The following GALNT13 variants were observed in gnomAD, a reference collection of about 807,000 sequenced individuals.
GALNT13 encodes polypeptide N-acetylgalactosaminyltransferase 13.
GALNT13 carries 28 observed loss-of-function variants against 64.2 expected under a neutral mutation model. The observed-to-expected ratio is 0.44, with a 90% CI of 0.32 to 0.60. The LOEUF (loss-of-function observed/expected upper bound fraction) is 0.60. Among genes scored for constraint, GALNT13 ranks in the 20% least tolerant of loss-of-function variants. The probability of loss-of-function intolerance (pLI) is 0.05; values close to 1 mark genes in which losing one functional copy is unlikely to be tolerated. For missense variants in GALNT13, 577 were observed against 669.8 expected, an observed-to-expected ratio of 0.86 and a Z score of 1.53; for synonymous variants, 214 against 224.6, an observed-to-expected ratio of 0.95 and a Z score of 0.42.
chr2:153,998,068 A>T (rs1361496587), intron 3 of GALNT13, among the ~76,000 whole-genome samples: 1 of 152,016 alleles, frequency 6.6e-6, no homozygotes. Flanking sequence ...GTTGGTTCTA[A>T]GTCTTTGCTA....
chr2:153,865,341 A>G, the GALNT13 span, among the ~76,000 whole-genome samples: 1 of 102,522 alleles, frequency 9.8e-6, no homozygotes, highest in African/African-American at 3.9e-5. Flanking sequence ...GCTTCTGCAC[A>G]GCAAAAGAAA....
chr2:153,287,854 C>T, the GALNT13 span, among the ~76,000 whole-genome samples: 1 of 152,176 alleles, frequency 6.6e-6, no homozygotes, highest in Non-Finnish European at 1.5e-5. Flanking sequence ...TGTGAAAACA[C>T]AACTGTCTGT....
At chr2:153,737,240 A>G in the GALNT13 span, among the ~76,000 whole-genome samples, 1 of 152,132 alleles carries the variant, frequency 6.6e-6, no homozygotes, top group African/African-American at 2.4e-5. Context: ...GAAAGTCAGA[A>G]CCTAAGAGGT....
At chr2:153,624,271 T>C in the GALNT13 span, among the ~76,000 whole-genome samples, 2 of 152,108 alleles carry the variant, frequency 1.3e-5, no homozygotes, top group Admixed American at 6.6e-5. Flanking sequence ...AGGAGCCTAT[T>C]TCTGTGTGAC....
chr2:153,781,167 T>A, the GALNT13 span, among the ~76,000 whole-genome samples: 14 of 152,170 alleles, frequency 9.2e-5, no homozygotes, highest in African/African-American at 3.4e-4. Flanking sequence ...TCCATTGAAT[T>A]GAAGTTTTGT....
the GALNT13 span, among the ~76,000 whole-genome samples, chr2:153,547,902 A>G: frequency 6.6e-6 from 1 of 152,224 alleles, no homozygotes; most frequent in African/African-American, 2.4e-5. Context: ...TTTGATATCC[A>G]TAAGTGGGGC....
the GALNT13 span, among the ~76,000 whole-genome samples, chr2:153,208,859 G>A: frequency 6.6e-6 from 1 of 151,044 alleles, no homozygotes; most frequent in African/African-American, 2.4e-5. Context: ...GGTTTGTAGT[G>A]GTATCTATTT....
chr2:154,042,947 A>T (rs1574398238), intron 3 of GALNT13, among the ~76,000 whole-genome samples: 1 of 152,068 alleles, frequency 6.6e-6, no homozygotes, highest in East Asian at 1.9e-4. Context: ...CTATGGAGAA[A>T]TAGTGAAGGG....
the GALNT13 span, among the ~76,000 whole-genome samples, chr2:153,597,915 A>G: frequency 6.6e-6 from 1 of 152,148 alleles, no homozygotes; most frequent in African/African-American, 2.4e-5. Context: ...GGTGGCTATA[A>G]TAAAAAAAGA....
the GALNT13 span, among the ~76,000 whole-genome samples, chr2:153,540,101 C>T: frequency 2.1e-4 from 32 of 152,194 alleles, no homozygotes; most frequent in African/African-American, 7.0e-4. Context: ...CCATCAGAGG[C>T]CTGAAGGCCT....
At chr2:153,528,821 C>T in the GALNT13 span, among the ~76,000 whole-genome samples, 2 of 151,828 alleles carry the variant, frequency 1.3e-5, no homozygotes, top group Admixed American at 1.3e-4. Flanking sequence ...TTCTGAATGA[C>T]CTGTGGGTTA....
the GALNT13 span, among the ~76,000 whole-genome samples, chr2:153,240,007 A>T: frequency 2.0e-5 from 3 of 152,062 alleles, no homozygotes; most frequent in Admixed American, 2.0e-4. Flanking sequence ...CTTGTTACTG[A>T]TCTGTTCAGA....
At chr2:153,873,080 C>G (rs1162287569) in intron 1 of GALNT13, among the ~76,000 whole-genome samples, 1 of 152,214 alleles carries the variant, frequency 6.6e-6, no homozygotes, top group Non-Finnish European at 1.5e-5. Flanking sequence ...ATCTCTGTCT[C>G]CCTCTGTCAT....
the GALNT13 span, among the ~76,000 whole-genome samples, chr2:153,690,505 T>C: frequency 1.3e-5 from 2 of 152,098 alleles, no homozygotes; most frequent in Admixed American, 6.6e-5. Flanking sequence ...GGTACGACCT[T>C]AAAAATTATG....
intron 3 of GALNT13, among the ~76,000 whole-genome samples, chr2:154,029,901 CA>C: frequency 6.6e-6 from 1 of 152,170 alleles, no homozygotes; most frequent in East Asian, 1.9e-4. Context: ...AAAAACATAG[CA>C]ACAAAAGTGA....
the GALNT13 span, among the ~76,000 whole-genome samples, chr2:153,355,426 A>G: frequency 8.5e-5 from 13 of 152,314 alleles, no homozygotes; most frequent in African/African-American, 3.1e-4. Flanking sequence ...GAACATTGTA[A>G]TCAGTATTTA....
At chr2:154,076,600 T>C (rs1701002386) in intron 3 of GALNT13, among the ~76,000 whole-genome samples, 1 of 151,720 alleles carries the variant, frequency 6.6e-6, no homozygotes, top group Non-Finnish European at 1.5e-5. Context: ...TAGCACCTCA[T>C]AGTATTTTAC....
chr2:153,252,156 T>C, the GALNT13 span, among the ~76,000 whole-genome samples: 13 of 146,206 alleles, frequency 8.9e-5, no homozygotes, highest in South Asian at 8.7e-4. Context: ...TTTTAATGAT[T>C]GCCATTCTAA....
At chr2:153,929,390 G>A (rs745746919) in intron 2 of GALNT13, among the ~76,000 whole-genome samples, 6 of 152,018 alleles carry the variant, frequency 3.9e-5, no homozygotes, top group African/African-American at 1.2e-4. Context: ...GTGGAGGTTC[G>A]TTACATGGGT....
Sources: allele counts gnomAD v4.1 joint callset (sites outside exome capture counted in the v4.1 genomes callset), GRCh38; gene constraint gnomAD v4.1.1; transcripts MANE v1.5; gene names NCBI Gene and HGNC (gene_info 2026-07-23, HGNC 2026-07-21).